RASGEF1A: variants seen among roughly 807,000 people sequenced by gnomAD.
RASGEF1A encodes the protein ras-GEF domain-containing family member 1A.
RASGEF1A carries 18 observed loss-of-function variants against 56.4 expected under a neutral mutation model. The ratio of observed to expected loss-of-function variants is 0.32; its 90% CI spans 0.22 to 0.47. The LOEUF (loss-of-function observed/expected upper bound fraction) is 0.47, where lower values mean the gene tolerates loss of function less well. Ranked by LOEUF, RASGEF1A falls within the 20% of genes least tolerant of loss-of-function variation. The probability of loss-of-function intolerance (pLI) is 1.00; values close to 1 mark genes in which losing one functional copy is unlikely to be tolerated. For synonymous variants in RASGEF1A, 245 were observed against 242.6 expected (o/e 1.01, Z -0.09); for missense variants, 422 against 627.1 (o/e 0.67, Z 3.49).
rs1839880221 is a variant in RASGEF1A, at chr10:43,200,674, A to G, written c.674T>C (p.Ile225Thr). ...GCATAAGGCAGCACTGACCAGCTCA[A>G]TGTGAGTCAGCTGCTGGGCCAGCAC... ...PLVLAQQLTH[I>T]ELDRVSSIYP... Residue 225 changes from isoleucine to threonine, a missense_variant, in exon 5 of 13, where the codon ATT (isoleucine) becomes ACT (threonine). By Grantham distance (89) the Ile-to-Thr change is moderately conservative. Around this residue, in one of 2 missense-constraint regions of RASGEF1A, gnomAD observed 273 missense variants for 339.9 expected, o/e 0.80. Coordinates refer to ENST00000395810, the MANE Select transcript of RASGEF1A (RefSeq NM_145313.4). 4 of 1,612,124 alleles carry G rather than the reference A, an allele frequency of 2.5e-6. No homozygotes were observed. Among genetic ancestry groups the G allele is most frequent in the Non-Finnish European group, 2.5e-6 (3 of 1,179,902 alleles).
At chr10:43,226,381 C>G (rs1196845817) in intron 1 of RASGEF1A, among the ~76,000 whole-genome samples, 1 of 152,114 alleles carries the variant, frequency 6.6e-6, no homozygotes, top group Non-Finnish European at 1.5e-5. Flanking sequence ...GTGGAGGTTG[C>G]AGTGAGATCA....
chr10:43,256,749 T>A (rs149013227), intron 1 of RASGEF1A, among the ~76,000 whole-genome samples: 48 of 152,304 alleles, frequency 3.2e-4, no homozygotes, highest in African/African-American at 1.0e-3. Context: ...TCGCGCCATC[T>A]GCACACAGAC....
chr10:43,207,264 T>TA (rs1840008929), intron 1 of RASGEF1A: 2 of 985,406 alleles, frequency 2.0e-6, no homozygotes, highest in Admixed American at 6.1e-5. Context: ...ATTTTGGCCT[T>TA]AGTTTCCCCA....
chr10:43,220,399 AG>A (rs1217321051), intron 1 of RASGEF1A, among the ~76,000 whole-genome samples: 3 of 152,062 alleles, frequency 2.0e-5, no homozygotes, highest in African/African-American at 7.2e-5. Flanking sequence ...AGGCTGAGGT[AG>A]GGGGATTGCT....
rs1836636255 is a variant in RASGEF1A at position 43,266,942 on chromosome 10, C to A, written c.-104G>T. 6.8e-6 allele frequency: 1 copy of A among 146,074 alleles called. No individual in the cohort carries two copies. The highest frequency in any genetic ancestry group is 2.5e-5 in the African/African-American group (1 of 40,776). 9.0% of individuals were successfully genotyped at this position (146,074 alleles called of 1,614,324 possible). On this transcript the variant is annotated 5_prime_UTR_variant, in exon 1 of 13. Coordinates refer to ENST00000395810, the MANE Select transcript of RASGEF1A (RefSeq NM_145313.4). Reference sequence around the variant, plus strand: ...GCCGGCGGCGGCTCATGCTCGGCGCCCGGGCCCGCGGCACCCGCCCACCCG... The same window carrying A: ...GCCGGCGGCGGCTCATGCTCGGCGCACGGGCCCGCGGCACCCGCCCACCCG...
intron 2 of RASGEF1A, among the ~76,000 whole-genome samples, chr10:43,205,028 C>T (rs965798916): frequency 6.6e-6 from 1 of 152,240 alleles, no homozygotes; most frequent in Non-Finnish European, 1.5e-5. Context: ...AAAGGCAAGG[C>T]CCCCTCACCC....
chr10:43,233,055 C>G (rs998706498), intron 1 of RASGEF1A, among the ~76,000 whole-genome samples: 1 of 152,150 alleles, frequency 6.6e-6, no homozygotes, highest in African/African-American at 2.4e-5. Flanking sequence ...TGTGGCCCCC[C>G]ACCCCGACAG....
At chr10:43,202,222 C>A (rs1246518751) in intron 3 of RASGEF1A, among the ~76,000 whole-genome samples, 1 of 152,258 alleles carries the variant, frequency 6.6e-6, no homozygotes, top group Non-Finnish European at 1.5e-5. Flanking sequence ...AAAACTAATT[C>A]CATTTGCTAT....
intron 1 of RASGEF1A, among the ~76,000 whole-genome samples, chr10:43,265,720 A>G (rs184381636): frequency 4.0e-4 from 61 of 152,364 alleles, no homozygotes; most frequent in South Asian, 1.7e-3. Flanking sequence ...TGGTTCACGA[A>G]TCAAGACCTG....
chr10:43,206,755 G>A, intron 1 of RASGEF1A: 1 of 986,652 alleles, frequency 1.0e-6, no homozygotes, highest in African/African-American at 1.7e-5. Context: ...GGTAGCAGGA[G>A]TGGCGAGCAG....
intron 1 of RASGEF1A, among the ~76,000 whole-genome samples, chr10:43,246,147 T>A (rs1840565192): frequency 6.6e-6 from 1 of 152,012 alleles, no homozygotes; most frequent in Non-Finnish European, 1.5e-5. Flanking sequence ...AAAATAAAAT[T>A]AAGAAAACAA....
intron 10 of RASGEF1A, 87 bp from the exon 11 acceptor site, chr10:43,197,186 A>G (rs1839812258): frequency 6.8e-7 from 1 of 1,480,998 alleles, no homozygotes; most frequent in Non-Finnish European, 9.2e-7. Flanking sequence ...TTTTGGCCTC[A>G]GCCTCCTGCT....
At chr10:43,256,707 C>T (rs527640295) in intron 1 of RASGEF1A, among the ~76,000 whole-genome samples, 51 of 152,272 alleles carry the variant, frequency 3.3e-4, no homozygotes, top group Admixed American at 9.8e-4. Context: ...TGTGGACCAG[C>T]GCACACCACA....
At chr10:43,263,935 G>A (rs549472493) in intron 1 of RASGEF1A, among the ~76,000 whole-genome samples, 3 of 152,144 alleles carry the variant, frequency 2.0e-5, no homozygotes, top group African/African-American at 7.2e-5. Flanking sequence ...GGCCCCGCTT[G>A]AGTCCTCACA....
intron 1 of RASGEF1A, among the ~76,000 whole-genome samples, chr10:43,230,341 C>G (rs1840349439): frequency 1.3e-5 from 2 of 152,078 alleles, no homozygotes; most frequent in African/African-American, 4.8e-5. Context: ...CGAGCCGCAG[C>G]GAGGGGTGGG....
intron 1 of RASGEF1A, chr10:43,207,946 G>T: frequency 1.3e-6 from 1 of 799,762 alleles, no homozygotes; most frequent in Non-Finnish European, 1.5e-6. Context: ...AGCCTCCCTG[G>T]GTTTAACCTA....
Position 43,196,074 on chromosome 10 carries a change from T to C in RASGEF1A, c.*170A>G, listed in dbSNP as rs1300763491. 1.7e-6 allele frequency: 1 copy of C among 592,274 alleles called. No individual in the cohort carries two copies. Among genetic ancestry groups the C allele is most frequent in the African/African-American group, 1.9e-5 (1 of 53,824 alleles). The allele number at this position is 592,274 out of a possible 1,614,324, so 36.7% of individuals were successfully genotyped here. A position where few individuals can be genotyped will look rare whatever the true frequency, so the allele number is the denominator to read the frequency against. ...GTTATTTAAAATAAACAAAAAAAAC[T>C]TTGTAAGTGCCAAAGGTTGATGCGT... On this transcript the variant is annotated 3_prime_UTR_variant, in exon 13 of 13. Coordinates refer to ENST00000395810, the MANE Select transcript of RASGEF1A (RefSeq NM_145313.4). The surrounding 1 kb of genome is among the most constrained non-coding windows in gnomAD (Gnocchi z 4.6).
chr10:43,246,450 C>G (rs1031932613), intron 1 of RASGEF1A, among the ~76,000 whole-genome samples: 1 of 152,126 alleles, frequency 6.6e-6, no homozygotes, highest in Non-Finnish European at 1.5e-5. Flanking sequence ...TGAAAGGGAC[C>G]TGGAACAACC....
Position 43,196,679 on chromosome 10 carries a change from C to A in RASGEF1A, c.1349-131G>T. The A allele has an allele frequency of 1.1e-6, 1 of 875,116 alleles. No homozygotes were observed. 54.2% of individuals were successfully genotyped at this position (875,116 alleles called of 1,614,324 possible). ...TGGCTGGGCTGAACACAGTTCTCTGCTGTGCGGGGCTCTCAGGCTGCCTGT... is the reference window on the plus strand; with the variant it reads ...TGGCTGGGCTGAACACAGTTCTCTGATGTGCGGGGCTCTCAGGCTGCCTGT... On this transcript the variant is annotated intron_variant, in intron 11 of 12. Coordinates refer to ENST00000395810, the MANE Select transcript of RASGEF1A (RefSeq NM_145313.4). The surrounding 1 kb of genome is among the most constrained non-coding windows in gnomAD (Gnocchi z 4.6).
Sources: allele counts gnomAD v4.1 joint callset (sites outside exome capture counted in the v4.1 genomes callset), GRCh38; gene constraint gnomAD v4.1.1; regional missense constraint gnomAD v4.1.1; non-coding constraint Gnocchi (gnomAD v3.1); transcripts MANE v1.5; gene names NCBI Gene and HGNC (gene_info 2026-07-23, HGNC 2026-07-21).